Variants in TRERF1 observed in about 807,000 individuals in gnomAD.
TRERF1 encodes transcriptional-regulating factor 1.
TRERF1 carries 27 observed loss-of-function variants against 122.9 expected under a neutral mutation model. That is an observed-to-expected ratio of 0.22 (90% confidence interval 0.16 to 0.30). The LOEUF (loss-of-function observed/expected upper bound fraction) is 0.30, where lower values mean the gene tolerates loss of function less well. Among genes scored for constraint, TRERF1 ranks in the 10% least tolerant of loss-of-function variants. The pLI, the probability that TRERF1 is intolerant of heterozygous loss-of-function variation, is 1.00. For missense variants in TRERF1, 1,248 were observed against 1,560.3 expected, an observed-to-expected ratio of 0.80 and a Z score of 3.37; for synonymous variants, 636 against 641.7, an observed-to-expected ratio of 0.99 and a Z score of 0.13.
intron 4 of TRERF1, among the ~76,000 whole-genome samples, chr6:42,298,796 C>T (rs147620554): frequency 2.0e-5 from 3 of 152,048 alleles, no homozygotes; most frequent in African/African-American, 7.2e-5. Context: ...AAAAATTAGC[C>T]AGGCGTGGTA....
chr6:42,446,770 A>C (rs1271931500), intron 2 of TRERF1, among the ~76,000 whole-genome samples: 1 of 152,148 alleles, frequency 6.6e-6, no homozygotes, highest in Non-Finnish European at 1.5e-5. Flanking sequence ...TGGGAGGCCA[A>C]GGTGGGCGGA....
chr6:42,259,574 C>G lies in TRERF1; in HGVS notation c.2034G>C (p.Ser678=), dbSNP rs762423280. Reference sequence around the variant, plus strand: ...GCTGGCTCTGGTACAGGGTGGCGCCCGAGTAGGAGGCAGCGGGGTTCGGGT... The same window carrying G: ...GCTGGCTCTGGTACAGGGTGGCGCCGGAGTAGGAGGCAGCGGGGTTCGGGT... The change falls in exon 9 of 18, where the codon TCG becomes TCC. Residue 678 remains serine (S), a synonymous_variant. Transcript: ENST00000372922. This position sits in a 1 kb window ranked among gnomAD's most constrained non-coding sequence, Gnocchi z 4.9. 8 of 1,613,734 alleles carry G rather than the reference C, an allele frequency of 5.0e-6. No homozygotes were observed. The highest frequency in any genetic ancestry group is 6.8e-6 in the Non-Finnish European group (8 of 1,179,884).
At chr6:42,289,611 A>G (rs1783948080) in intron 4 of TRERF1, among the ~76,000 whole-genome samples, 1 of 152,196 alleles carries the variant, frequency 6.6e-6, no homozygotes, top group South Asian at 2.1e-4. Flanking sequence ...TAATGAGAAG[A>G]ATAGGATTGT....
At chr6:42,243,178 G>C in intron 15 of TRERF1, 70 bp downstream of exon 15, 1 of 1,326,628 alleles carries the variant, frequency 7.5e-7, no homozygotes, top group Non-Finnish European at 1.1e-6. Flanking sequence ...CCAAACACCA[G>C]CTACTTACTA....
At chr6:42,290,167 C>T (rs1784063025) in intron 4 of TRERF1, among the ~76,000 whole-genome samples, 1 of 152,180 alleles carries the variant, frequency 6.6e-6, no homozygotes, top group African/African-American at 2.4e-5. Context: ...GTCATGTCTT[C>T]CTCACACCAG....
At chr6:42,362,186 C>T (rs1426564823) in intron 3 of TRERF1, among the ~76,000 whole-genome samples, 1 of 152,122 alleles carries the variant, frequency 6.6e-6, no homozygotes, top group Non-Finnish European at 1.5e-5. Flanking sequence ...CACGTGTTTC[C>T]GACTGGAACC....
At chr6:42,410,781 G>A (rs550050676) in intron 2 of TRERF1, among the ~76,000 whole-genome samples, 1 of 152,326 alleles carries the variant, frequency 6.6e-6, no homozygotes, top group East Asian at 1.9e-4. Flanking sequence ...CTACTGGATG[G>A]TAGATGTGCA....
At chr6:42,395,082 C>T (rs1778363650) in intron 2 of TRERF1, among the ~76,000 whole-genome samples, 1 of 152,224 alleles carries the variant, frequency 6.6e-6, no homozygotes, top group Admixed American at 6.5e-5. Flanking sequence ...GGCCGGCACC[C>T]TTCTGGGGAG....
At chr6:42,243,548 C>T (rs937526885) in intron 14 of TRERF1, among the ~76,000 whole-genome samples, 187 bp from the exon 15 acceptor site, 12 of 152,120 alleles carry the variant, frequency 7.9e-5, no homozygotes, top group Non-Finnish European at 1.3e-4. Context: ...ACACAGGTAG[C>T]CCCTTGCATT....
At chr6:42,253,331 C>T (rs1449922082) in intron 13 of TRERF1, among the ~76,000 whole-genome samples, 1 of 152,180 alleles carries the variant, frequency 6.6e-6, no homozygotes, top group Non-Finnish European at 1.5e-5. Context: ...AGCAGTTTCT[C>T]ACAGCACATG....
intron 2 of TRERF1, among the ~76,000 whole-genome samples, chr6:42,430,577 C>T (rs757435168): frequency 2.0e-5 from 3 of 151,678 alleles, no homozygotes; most frequent in Non-Finnish European, 2.9e-5. Flanking sequence ...TGGTGAAACC[C>T]CTTTTCTACT....
At chr6:42,323,911 G>A (rs1213309679) in intron 3 of TRERF1, among the ~76,000 whole-genome samples, 1 of 152,228 alleles carries the variant, frequency 6.6e-6, no homozygotes, top group Non-Finnish European at 1.5e-5. Flanking sequence ...TAAATGCCAG[G>A]CTCAGGAGTT....
intron 3 of TRERF1, among the ~76,000 whole-genome samples, chr6:42,353,413 G>A (rs78236278): frequency 2.0e-5 from 3 of 151,834 alleles, no homozygotes; most frequent in African/African-American, 4.8e-5. Context: ...ATGGTGGAAC[G>A]CTCTCTTTAG....
intron 8 of TRERF1, among the ~76,000 whole-genome samples, chr6:42,260,068 T>G (rs1777555082): frequency 6.6e-6 from 1 of 152,042 alleles, no homozygotes. Context: ...GGCTCTTTAA[T>G]TCCCCCATTG....
intron 2 of TRERF1, among the ~76,000 whole-genome samples, chr6:42,422,032 G>C (rs563943790): frequency 2.0e-5 from 3 of 151,012 alleles, no homozygotes; most frequent in Non-Finnish European, 4.4e-5. Context: ...TTAGCCAGGC[G>C]TGGTGGCGTG....
rs139274209 is a variant in TRERF1 at position 42,407,309 on chromosome 6, TC to T, written c.-454+43867del. Reference sequence around the variant, plus strand: ...ATTTGCTGGGGGCTGCAGTCTCTTTTCACCGTTATTCGCAATGACTCTGTTG... The same window carrying T: ...ATTTGCTGGGGGCTGCAGTCTCTTTTACCGTTATTCGCAATGACTCTGTTG... On this transcript the variant is annotated intron_variant, in intron 2 of 17. Coordinates refer to ENST00000372922, the Ensembl canonical transcript of TRERF1. 4.5e-3 allele frequency among the ~76,000 whole-genome samples: 684 copies of T among 152,340 alleles called. 6 individuals carry two copies. The highest frequency in any genetic ancestry group is 0.016 in the African/African-American group (661 of 41,570).
In TRERF1 at chr6:42,360,497, T is replaced by C. The variant is rs551323229; in HGVS notation, c.-371+2500A>G. ...CTGACACTATACCACATTAAAACAC[T>C]TGAAGATTCAAACTTTTACTAGTTA... On this transcript the variant is annotated intron_variant, in intron 3 of 17. Transcript: ENST00000372922. 5.9e-5 allele frequency among the ~76,000 whole-genome samples: 9 copies of C among 152,318 alleles called. 1 individual carries two copies. The South Asian group carries it at 1.0e-3, about 18-fold the overall frequency.
intron 3 of TRERF1, among the ~76,000 whole-genome samples, chr6:42,348,079 A>G (rs549775576): frequency 2.0e-5 from 3 of 152,352 alleles, no homozygotes; most frequent in South Asian, 4.1e-4. Context: ...TTACACTGGA[A>G]TAGAAAGATG....
chr6:42,435,825 C>CA (rs1310881321), intron 2 of TRERF1, among the ~76,000 whole-genome samples: 1 of 145,044 alleles, frequency 6.9e-6, no homozygotes, highest in Non-Finnish European at 1.5e-5. Flanking sequence ...AAAAAAAATA[C>CA]AAAAGTTAGC....
Sources: gnomAD v4.1 joint callset for allele counts (sites outside exome capture counted in the v4.1 genomes callset) on GRCh38, gnomAD v4.1.1 for gene constraint, Gnocchi (gnomAD v3.1) non-coding constraint, MANE v1.5 for transcripts, NCBI Gene and HGNC (gene_info 2026-07-23, HGNC 2026-07-21) for gene names.